The following FAM171B variants were observed in gnomAD, a reference collection of about 807,000 sequenced individuals.
FAM171B encodes the protein protein FAM171B.
Under a neutral mutation model 75.6 loss-of-function variants are expected in FAM171B, and 19 were observed. The observed-to-expected ratio is 0.25, with a 90% CI of 0.18 to 0.37. The LOEUF (loss-of-function observed/expected upper bound fraction) is 0.37. Among genes scored for constraint, FAM171B ranks in the 10% least tolerant of loss-of-function variants. The pLI, the probability that FAM171B is intolerant of heterozygous loss-of-function variation, is 1.00. For missense variants in FAM171B, 848 were observed against 982.4 expected, an observed-to-expected ratio of 0.86 and a Z score of 1.83; for synonymous variants, 367 against 361.7, an observed-to-expected ratio of 1.01 and a Z score of -0.17.
chr2:186,748,149 C>A (rs548750642), intron 4 of FAM171B, among the ~76,000 whole-genome samples: 1 of 151,420 alleles, frequency 6.6e-6, no homozygotes, highest in East Asian at 1.9e-4. Flanking sequence ...GTCTTTAACT[C>A]CTGTGCTCAA....
At chr2:186,745,168 A>C (rs1176225683) in intron 3 of FAM171B, among the ~76,000 whole-genome samples, 1 of 152,134 alleles carries the variant, frequency 6.6e-6, no homozygotes, top group Non-Finnish European at 1.5e-5. Context: ...AGAATGGTGG[A>C]TGTGGAGCTG....
At chr2:186,710,458 C>G (rs1689795173) in intron 1 of FAM171B, among the ~76,000 whole-genome samples, 1 of 152,184 alleles carries the variant, frequency 6.6e-6, no homozygotes, top group Admixed American at 6.5e-5. Flanking sequence ...CTATACTCAT[C>G]CAACTTGGAG....
rs371041337 is a variant in FAM171B, at chr2:186,726,522, C to T, written c.239-13706C>T. Reference sequence around the variant, plus strand: ...GGTCCTTTTTCTTTATAACCTCCTTCGTTGTCCTCTACTCTTTTCTGAACT... The same window carrying T: ...GGTCCTTTTTCTTTATAACCTCCTTTGTTGTCCTCTACTCTTTTCTGAACT... On this transcript the variant is annotated intron_variant, in intron 1 of 7. Coordinates refer to ENST00000304698, the MANE Select transcript of FAM171B (RefSeq NM_177454.4). 4.8e-4 allele frequency among the ~76,000 whole-genome samples: 73 copies of T among 152,186 alleles called. No homozygotes were observed. In the South Asian group the frequency reaches 9.5e-3, roughly 20 times the overall value.
intron 1 of FAM171B, among the ~76,000 whole-genome samples, chr2:186,736,100 T>G (rs1690194904): frequency 6.6e-6 from 1 of 152,118 alleles, no homozygotes; most frequent in Admixed American, 6.5e-5. Flanking sequence ...GGAAATTCAG[T>G]GTTTCAGACA....
chr2:186,694,248 G>T lies in FAM171B; in HGVS notation c.75G>T (p.Leu25=). ...GLAVVLLKAR[L]VPAAARAELS... ...CCGTGGTGCTGCTGAAAGCGCGGCT[G>T]GTCCCCGCGGCCGCCAGAGCGGAAC... is the stretch of plus-strand genomic sequence containing the variant. The change falls in exon 1 of 8, where the codon CTG becomes CTT. Residue 25 remains leucine (L), a synonymous_variant. Coordinates refer to ENST00000304698, the MANE Select transcript of FAM171B (RefSeq NM_177454.4). 2 of 1,611,056 alleles carry T rather than the reference G, an allele frequency of 1.2e-6. No homozygotes were observed. The highest frequency in any genetic ancestry group is 8.5e-7 in the Non-Finnish European group (1 of 1,179,688).
In FAM171B at chr2:186,694,106, C is replaced by A; in HGVS notation, c.-68C>A. 7.1e-7 allele frequency: 1 copy of A among 1,404,482 alleles called. No homozygotes were observed. Among genetic ancestry groups the A allele is most frequent in the Admixed American group, 3.3e-5 (1 of 30,524 alleles). The allele number at this position is 1,404,482 out of a possible 1,614,324, so 87.0% of individuals were successfully genotyped here. ...GAGCGAGCGGGCGCTGCCAGGAGCCCGCAGCCCTGGCGCCCGCCGCCGCCC... is the reference window on the plus strand; with the variant it reads ...GAGCGAGCGGGCGCTGCCAGGAGCCAGCAGCCCTGGCGCCCGCCGCCGCCC... On this transcript the variant is annotated 5_prime_UTR_variant, in exon 1 of 8. Transcript: ENST00000304698.
At position 186,696,514 on chromosome 2, in the gene FAM171B, C is replaced by T. The variant is rs901729136; in HGVS notation, c.238+2103C>T. 9.1e-5 allele frequency among the ~76,000 whole-genome samples: 13 copies of T among 143,172 alleles called. 1 individual carries two copies. The highest frequency in any genetic ancestry group is 2.2e-4 in the Admixed American group (3 of 13,826). 93.9% of individuals were successfully genotyped at this position (143,172 alleles called of 152,430 possible). A position where few individuals can be genotyped will look rare whatever the true frequency, so the allele number is the denominator to read the frequency against. ...TCTGCCCACACTCCTCCAATGGCTTCCCGTCTCTCTCATACTAGATGCCCA... is the reference window on the plus strand; with the variant it reads ...TCTGCCCACACTCCTCCAATGGCTTTCCGTCTCTCTCATACTAGATGCCCA... On this transcript the variant is annotated intron_variant, in intron 1 of 7. Coordinates refer to ENST00000304698, the MANE Select transcript of FAM171B (RefSeq NM_177454.4).
intron 1 of FAM171B, among the ~76,000 whole-genome samples, chr2:186,722,086 T>C (rs1464631491): frequency 6.6e-6 from 1 of 152,208 alleles, no homozygotes; most frequent in Non-Finnish European, 1.5e-5. Flanking sequence ...GAACATAGTA[T>C]GATCTAATGC....
intron 1 of FAM171B, among the ~76,000 whole-genome samples, chr2:186,737,763 G>C (rs1344172777): frequency 6.6e-6 from 1 of 152,226 alleles, no homozygotes; most frequent in Non-Finnish European, 1.5e-5. Flanking sequence ...AAAAATAAAA[G>C]AGCTAGCCAT....
Position 186,762,620 on chromosome 2 carries a change from T to C in FAM171B, c.2278T>C (p.Leu760=). 1 of 1,613,198 alleles carries C rather than the reference T, an allele frequency of 6.2e-7. No individual in the cohort carries two copies. Among genetic ancestry groups the C allele is most frequent in the East Asian group, 2.2e-5 (1 of 44,828 alleles). The change falls in exon 8 of 8, where the codon TTA becomes CTA. Residue 760 remains leucine (L), a synonymous_variant. Transcript: ENST00000304698. The surrounding 1 kb of genome is among the most constrained non-coding windows in gnomAD (Gnocchi z 4.0). ...CGTCTGTTCCCCTGAGGACCCAGCT[T>C]TAAGGCACATCCTAGATGGAGGGAG... ...TTVCSPEDPA[L]RHILDGGSGV...
chr2:186,702,135 G>A (rs1689670858), intron 1 of FAM171B, among the ~76,000 whole-genome samples: 1 of 152,170 alleles, frequency 6.6e-6, no homozygotes, highest in South Asian at 2.1e-4. Flanking sequence ...GCGTCATTAG[G>A]TGATTTTGTC....
Position 186,761,974 on chromosome 2 carries a change from A to G in FAM171B, c.1632A>G (p.Thr544=), listed in dbSNP as rs761545454. The stretch of plus-strand genomic sequence containing the variant: ...GCCAACCCATTGCCATCCTTCAAAC[A>G]TCTGACCTTTTCTCCACACCGGAAC... ...IYSQPIAILQ[T]SDLFSTPEQL... The change falls in exon 8 of 8, where the codon ACA becomes ACG. Residue 544 remains threonine (T), a synonymous_variant. Transcript: ENST00000304698. 6.2e-7 allele frequency: 1 copy of G among 1,613,552 alleles called. No individual in the cohort carries two copies.
intron 1 of FAM171B, among the ~76,000 whole-genome samples, chr2:186,718,256 T>C (rs1689901591): frequency 6.6e-6 from 1 of 152,192 alleles, no homozygotes; most frequent in South Asian, 2.1e-4. Context: ...AAAAAGGTCT[T>C]GTCACACACG....
intron 3 of FAM171B, 87 bp from the exon 4 acceptor site, chr2:186,747,005 G>A (rs1690373458): frequency 1.1e-6 from 1 of 939,016 alleles, no homozygotes; most frequent in Non-Finnish European, 1.6e-6. Context: ...AATTATAATT[G>A]CTTCTTTTAA....
At chr2:186,738,566 A>T (rs1336514991) in intron 1 of FAM171B, among the ~76,000 whole-genome samples, 1 of 152,096 alleles carries the variant, frequency 6.6e-6, no homozygotes, top group Non-Finnish European at 1.5e-5. Flanking sequence ...AGACAAAGAT[A>T]GAAGTTCTCA....
Position 186,725,574 on chromosome 2 carries a change from A to T in FAM171B, c.239-14654A>T, listed in dbSNP as rs565674639. Among the ~76,000 whole-genome samples, 3 of 152,168 alleles carry T rather than the reference A, an allele frequency of 2.0e-5. No homozygotes were observed. The South Asian group carries it at 6.2e-4, about 32-fold the overall frequency. On this transcript the variant is annotated intron_variant, in intron 1 of 7. Coordinates refer to ENST00000304698, the MANE Select transcript of FAM171B (RefSeq NM_177454.4). ...GCTGTGCTATTCACTCCTTCCCCTC[A>T]CACCCCATTTTCAAAACTCAATTCT...
Position 186,762,811 on chromosome 2 carries a change from T to G in FAM171B, c.2469T>G (p.Ile823Met), listed in dbSNP as rs747258420. 4.3e-6 allele frequency: 7 copies of G among 1,610,192 alleles called. No individual in the cohort carries two copies. In the African/African-American group the frequency reaches 8.0e-5, roughly 18 times the overall value. The change falls in exon 8 of 8, where the codon ATT (isoleucine) becomes ATG (methionine). Residue 823 changes from isoleucine (I) to methionine (M), a missense_variant. Transcript: ENST00000304698. This position sits in a 1 kb window ranked among gnomAD's most constrained non-coding sequence, Gnocchi z 4.0. ...IWKKREERPL[I>M]PIN is the part of the protein sequence containing the mutation. ...AGAAGCGAGAGGAACGCCCACTGAT[T>G]CCCATAAATTAACTCCAATGGGGAT...
At chr2:186,714,852 A>G (rs960101518) in intron 1 of FAM171B, among the ~76,000 whole-genome samples, 4 of 152,192 alleles carry the variant, frequency 2.6e-5, no homozygotes, top group Admixed American at 1.3e-4. Flanking sequence ...AAGTGTGGCA[A>G]AGGCTAATAA....
At chr2:186,698,239 A>G (rs189661796) in intron 1 of FAM171B, among the ~76,000 whole-genome samples, 19 of 152,332 alleles carry the variant, frequency 1.2e-4, no homozygotes, top group African/African-American at 4.1e-4. Flanking sequence ...AAGCAGAGAC[A>G]CAGGGGATCT....
Sources: gnomAD v4.1 joint callset for allele counts (sites outside exome capture counted in the v4.1 genomes callset) on GRCh38, gnomAD v4.1.1 for gene constraint, Gnocchi (gnomAD v3.1) non-coding constraint, MANE v1.5 for transcripts, NCBI Gene and HGNC (gene_info 2026-07-23, HGNC 2026-07-21) for gene names.